NCAPD3: variants seen among roughly 807,000 people sequenced by gnomAD.
NCAPD3 encodes condensin-2 complex subunit D3.
A neutral mutation model predicts 182.9 loss-of-function variants in NCAPD3; 105 were observed. That is an observed-to-expected ratio of 0.57 (90% CI 0.49 to 0.68). The LOEUF (loss-of-function observed/expected upper bound fraction) is 0.68. Among genes scored for constraint, NCAPD3 ranks in the 30% least tolerant of loss-of-function variants. The pLI is 0.00. For synonymous variants in NCAPD3, 815 were observed against 679.9 expected (o/e 1.20, Z -3.09); for missense variants, 1,944 against 1,837.0 (o/e 1.06, Z -1.07).
At chr11:134,211,617 G>A (rs566919758) in intron 3 of NCAPD3, among the ~76,000 whole-genome samples, 12 of 152,166 alleles carry the variant, frequency 7.9e-5, no homozygotes, top group African/African-American at 2.7e-4. Flanking sequence ...GGAAATGACA[G>A]AGATAATGGA....
Position 134,157,101 on chromosome 11 carries a change from A to G in NCAPD3, c.4175-6T>C, listed in dbSNP as rs560067831. 20 of 1,609,742 alleles carry G rather than the reference A, an allele frequency of 1.2e-5. No individual in the cohort carries two copies. The East Asian group carries it at 3.8e-4, about 31-fold the overall frequency. ...CTCCAAACTGTATGAAGACACTAGA[A>G]CAGAAAAGGTGCTGCTATCCAGAAA... On this transcript the variant is annotated splice_polypyrimidine_tract_variant and splice_region_variant and intron_variant, in intron 31 of 34. Transcript: ENST00000534548.
intron 1 of NCAPD3, chr11:134,223,581 C>T: frequency 2.9e-6 from 2 of 678,766 alleles, no homozygotes; most frequent in Admixed American, 4.1e-5. Context: ...CACGAAGACA[C>T]GCACAGGAAG....
intron 3 of NCAPD3, 49 bp downstream of exon 3, chr11:134,216,887 A>G: frequency 5.9e-6 from 9 of 1,528,076 alleles, no homozygotes; most frequent in Non-Finnish European, 7.9e-6. Flanking sequence ...AAAACTGTAG[A>G]AAGAAAAAAA....
chr11:134,221,410 A>C (rs868800496), intron 1 of NCAPD3, among the ~76,000 whole-genome samples: 1 of 150,746 alleles, frequency 6.6e-6, no homozygotes. Flanking sequence ...GTTTTTGGGT[A>C]CATGTGCACA....
In NCAPD3 at chr11:134,168,428, T is replaced by C. The variant is rs1415910341; in HGVS notation, c.3373+41A>G. 3.7e-6 allele frequency: 6 copies of C among 1,610,572 alleles called. No homozygotes were observed. The Admixed American group carries it at 6.7e-5, about 18-fold the overall frequency. ...GGCCATTATCAACACAGCATTTCAT[T>C]TGCAAACACACACATTTTCTCCCAC... is the stretch of plus-strand genomic sequence containing the variant. On this transcript the variant is annotated intron_variant, in intron 26 of 34. Coordinates refer to ENST00000534548, the MANE Select transcript of NCAPD3 (RefSeq NM_015261.3).
chr11:134,167,519 G>A (rs1591829442), intron 27 of NCAPD3, among the ~76,000 whole-genome samples: 1 of 141,718 alleles, frequency 7.1e-6, no homozygotes, highest in African/African-American at 2.7e-5. Context: ...ATGAGCTCAG[G>A]GGAGCTGCAC....
chr11:134,223,526 G>C (rs999486498), intron 1 of NCAPD3: 2 of 701,374 alleles, frequency 2.9e-6, no homozygotes, highest in East Asian at 2.7e-5. Flanking sequence ...GGAAGAAAGA[G>C]ATTTGCAATT....
At chr11:134,185,579 G>C in intron 16 of NCAPD3, 53 bp from the exon 17 acceptor site, 2 of 1,427,606 alleles carry the variant, frequency 1.4e-6, no homozygotes, top group South Asian at 1.4e-5. Context: ...TATACAAAAT[G>C]ATTCAGATGG....
chr11:134,168,692 A>C lies in NCAPD3; in HGVS notation c.3240-90T>G, dbSNP rs1591830999. The C allele has an allele frequency of 1.3e-5, 20 of 1,555,736 alleles. No homozygotes were observed. The South Asian group carries it at 2.4e-4, about 18-fold the overall frequency. On this transcript the variant is annotated intron_variant, in intron 25 of 34. Coordinates refer to ENST00000534548, the MANE Select transcript of NCAPD3 (RefSeq NM_015261.3). ...ACTTTAACTGCATCCTAAAAGCTGC[A>C]TGCCAAAGACTCCAGTGCACTACAG...
Position 134,153,218 on chromosome 11 carries a change from A to AAAC in NCAPD3, c.4328-21_4328-19dup. The stretch of plus-strand genomic sequence containing the variant: ...AATTTTCTCTAAAAGGGAGTCAAAC[A>AAAC]AACACATTCAGCTTTCCCAGAACCT... On this transcript the variant is annotated intron_variant, in intron 33 of 34. Coordinates refer to ENST00000534548, the MANE Select transcript of NCAPD3 (RefSeq NM_015261.3). 1 of 1,614,062 alleles carries AAAC rather than the reference A, an allele frequency of 6.2e-7. No individual in the cohort carries two copies. Among genetic ancestry groups the AAAC allele is most frequent in the Non-Finnish European group, 8.5e-7 (1 of 1,179,880 alleles).
Position 134,194,127 on chromosome 11 carries a change from G to C in NCAPD3, c.1713C>G (p.His571Gln), listed in dbSNP as rs367871096. 4 of 1,614,012 alleles carry C rather than the reference G, an allele frequency of 2.5e-6. No homozygotes were observed. The highest frequency in any genetic ancestry group is 3.4e-6 in the Non-Finnish European group (4 of 1,180,002). ...CTTCCTTCATGCCTGAGACATCACA[G>C]TGTTTCAAAATACTCACTAATACCT... ...ALQVLVSILK[H>Q]CDVSGMKEDL... Residue 571 changes from histidine to glutamine, a missense_variant, in exon 15 of 35, where the codon CAC (histidine) becomes CAG (glutamine). By Grantham distance (24) the His-to-Gln change is conservative. Around this residue, in one of 3 missense-constraint regions of NCAPD3, gnomAD observed 1,803 missense variants for 1,674.6 expected, o/e 1.08. Coordinates refer to ENST00000534548, the MANE Select transcript of NCAPD3 (RefSeq NM_015261.3).
At chr11:134,163,871 CAAAAAA>C (rs60340458) in intron 27 of NCAPD3, among the ~76,000 whole-genome samples, 7,301 of 70,814 alleles carry the variant, frequency 0.1, 211 homozygotes, top group Middle Eastern at 0.11. Flanking sequence ...GATTCTGTCT[CAAAAAA>C]AAAAAAAAAA....
intron 27 of NCAPD3, among the ~76,000 whole-genome samples, chr11:134,167,731 C>G (rs554662333): frequency 1.0e-4 from 14 of 135,864 alleles, no homozygotes; most frequent in Admixed American, 3.1e-4. Context: ...GAGGCGCACA[C>G]TCGTGAGATG....
chr11:134,158,485 C>G lies in NCAPD3; in HGVS notation c.3878G>C (p.Cys1293Ser). ...EVAPVAQVAL[C>S]LETVPVPAGQ... ...AGCAGGAACTGGCACTGTTTCTAAACACAGGGCAACCTGGTAGAGAAGATA... is the reference window on the plus strand; with the variant it reads ...AGCAGGAACTGGCACTGTTTCTAAAGACAGGGCAACCTGGTAGAGAAGATA... Residue 1293 changes from cysteine (C) to serine (S), a missense_variant, in exon 30 of 35, where the codon TGT becomes TCT. By Grantham distance (112) the Cys-to-Ser change is moderately radical (BLOSUM62 -1). This residue lies in a region of NCAPD3 where 1,803 missense variants were observed against 1,674.6 expected (regional missense o/e 1.08). Transcript: ENST00000534548. The G allele has an allele frequency of 6.2e-7, 1 of 1,613,680 alleles. No homozygotes were observed. The highest frequency in any genetic ancestry group is 8.5e-7 in the Non-Finnish European group (1 of 1,179,950).
At chr11:134,168,395 G>A (rs547345199) in intron 26 of NCAPD3, 74 bp downstream of exon 26, 2 of 1,586,702 alleles carry the variant, frequency 1.3e-6, no homozygotes, top group African/African-American at 2.7e-5. Context: ...CTTACTAGAG[G>A]CCTGCTGGGC....
intron 27 of NCAPD3, among the ~76,000 whole-genome samples, chr11:134,166,790 C>CGCTA (rs1943826463): frequency 2.0e-5 from 2 of 99,518 alleles, no homozygotes; most frequent in African/African-American, 4.2e-5. Context: ...GGCGCACACT[C>CGCTA]GTGAGAGGAG....
chr11:134,198,432 C>T (rs902663230), intron 13 of NCAPD3, among the ~76,000 whole-genome samples: 3 of 152,170 alleles, frequency 2.0e-5, no homozygotes, highest in African/African-American at 7.2e-5. Context: ...ATCTATTAAA[C>T]GTATCTGATT....
chr11:134,223,969 A>C (rs762537556), upstream of NCAPD3: 77 of 1,603,874 alleles, frequency 4.8e-5, no homozygotes, highest in Non-Finnish European at 6.5e-5. Context: ...TCAACTTTCA[A>C]AGCTCGCTCC....
intron 8 of NCAPD3, 35 bp from the exon 9 acceptor site, chr11:134,205,006 TAC>T: frequency 6.5e-7 from 1 of 1,542,050 alleles, no homozygotes; most frequent in Non-Finnish European, 9.0e-7. Flanking sequence ...CTGTTCACAA[TAC>T]AGTCAGCGAC....
Sources: gnomAD v4.1 joint callset for allele counts (sites outside exome capture counted in the v4.1 genomes callset) on GRCh38, gnomAD v4.1.1 for gene constraint, gnomAD v4.1.1 regional missense constraint, MANE v1.5 for transcripts, NCBI Gene and HGNC (gene_info 2026-07-23, HGNC 2026-07-21) for gene names.